SAMD12: variants seen among roughly 807,000 people sequenced by gnomAD.
SAMD12 encodes the protein sterile alpha motif domain-containing protein 12.
A neutral mutation model predicts 15.0 loss-of-function variants in SAMD12; 9 were observed. The observed-to-expected ratio is 0.60, with a 90% CI of 0.36 to 1.05. SAMD12 has a LOEUF of 1.05. Among genes scored for constraint, SAMD12 ranks in the 50% least tolerant of loss-of-function variants. The pLI is 0.01. For missense variants in SAMD12, 230 were observed against 234.2 expected, an observed-to-expected ratio of 0.98 and a Z score of 0.12; for synonymous variants, 86 against 90.1, an observed-to-expected ratio of 0.96 and a Z score of 0.25.
chr8:118,138,277 C>A, the SAMD12 span, among the ~76,000 whole-genome samples: 6 of 152,120 alleles, frequency 3.9e-5, no homozygotes, highest in African/African-American at 1.4e-4. Flanking sequence ...CAGAAAATAC[C>A]TGCAGGAAAT....
chr8:118,324,015 C>G (rs1450648587), intron 4 of SAMD12, among the ~76,000 whole-genome samples: 1 of 146,256 alleles, frequency 6.8e-6, no homozygotes, highest in Non-Finnish European at 1.5e-5. Context: ...AACATTTTGA[C>G]AAAAGGAAAA....
intron 4 of SAMD12, among the ~76,000 whole-genome samples, chr8:118,276,106 T>G (rs2130132334): frequency 6.6e-6 from 1 of 152,356 alleles, no homozygotes; most frequent in Admixed American, 6.5e-5. Flanking sequence ...AAAGTTTCTA[T>G]GTCCCCCTCA....
chr8:118,502,766 A>G (rs116610006), intron 2 of SAMD12, among the ~76,000 whole-genome samples: 1,618 of 152,356 alleles, frequency 0.011, 29 homozygotes, highest in African/African-American at 0.035. Flanking sequence ...GCAGCACTGA[A>G]TTATGGCCTA....
intron 3 of SAMD12, among the ~76,000 whole-genome samples, chr8:118,394,260 A>G (rs1226790119): frequency 6.6e-6 from 1 of 152,176 alleles, no homozygotes; most frequent in East Asian, 1.9e-4. Context: ...CCACATCTCT[A>G]CACATGCTCA....
At chr8:118,556,609 T>C (rs1456740914) in intron 2 of SAMD12, among the ~76,000 whole-genome samples, 1 of 152,214 alleles carries the variant, frequency 6.6e-6, no homozygotes, top group Non-Finnish European at 1.5e-5. Flanking sequence ...ATGGTGCTGA[T>C]AGCCAGAGAT....
intron 1 of SAMD12, among the ~76,000 whole-genome samples, chr8:118,602,769 C>T (rs564566316): frequency 8.5e-5 from 13 of 152,214 alleles, no homozygotes; most frequent in African/African-American, 2.9e-4. Context: ...ACCTAGAGAG[C>T]TTTCAATGTT....
At chr8:118,528,780 G>C (rs2131111195) in intron 2 of SAMD12, among the ~76,000 whole-genome samples, 1 of 152,306 alleles carries the variant, frequency 6.6e-6, no homozygotes, top group Admixed American at 6.5e-5. Flanking sequence ...CCAGAAGAAA[G>C]AAATAACAGA....
At chr8:118,537,177 G>T (rs898215398) in intron 2 of SAMD12, among the ~76,000 whole-genome samples, 145 of 152,054 alleles carry the variant, frequency 9.5e-4, no homozygotes, top group African/African-American at 3.2e-3. Context: ...TATATTATTT[G>T]TTTCTTTTCT....
At chr8:118,225,209 G>A (rs1340986415) in intron 4 of SAMD12, among the ~76,000 whole-genome samples, 1 of 152,140 alleles carries the variant, frequency 6.6e-6, no homozygotes, top group African/African-American at 2.4e-5. Flanking sequence ...CACATCTTGA[G>A]GTTGGTACTA....
intron 4 of SAMD12, among the ~76,000 whole-genome samples, chr8:118,304,797 T>TAAAC (rs1207817995): frequency 6.7e-6 from 1 of 149,302 alleles, no homozygotes; most frequent in East Asian, 2.0e-4. Context: ...AATAAATAAA[T>TAAAC]ACACAAATAA....
chr8:118,176,416 A>T, the SAMD12 span, among the ~76,000 whole-genome samples: 4 of 152,358 alleles, frequency 2.6e-5, no homozygotes, highest in African/African-American at 9.6e-5. Context: ...ATCAATCTAG[A>T]TGCTCATCAA....
At chr8:118,334,570 A>G (rs1816963765) in intron 4 of SAMD12, among the ~76,000 whole-genome samples, 1 of 152,096 alleles carries the variant, frequency 6.6e-6, no homozygotes, top group Non-Finnish European at 1.5e-5. Context: ...CACATCTCCC[A>G]TAATTTGAGC....
At chr8:118,212,405 C>G (rs1174549952) in intron 4 of SAMD12, among the ~76,000 whole-genome samples, 5 of 152,096 alleles carry the variant, frequency 3.3e-5, no homozygotes, top group African/African-American at 1.2e-4. Flanking sequence ...AATTATTAGC[C>G]TTTTGTGGCT....
intron 4 of SAMD12, among the ~76,000 whole-genome samples, chr8:118,249,488 T>C (rs1020377868): frequency 2.0e-5 from 3 of 152,202 alleles, no homozygotes; most frequent in African/African-American, 7.2e-5. Context: ...TTTTGATTCA[T>C]GGTTGGTTGA....
chr8:118,395,283 C>T (rs943209086), intron 3 of SAMD12, among the ~76,000 whole-genome samples: 3 of 152,160 alleles, frequency 2.0e-5, no homozygotes, highest in Non-Finnish European at 4.4e-5. Context: ...CTATGTACCA[C>T]ACTCCCTCAT....
intron 2 of SAMD12, among the ~76,000 whole-genome samples, chr8:118,535,273 A>C (rs1825806578): frequency 6.6e-6 from 1 of 152,216 alleles, no homozygotes; most frequent in South Asian, 2.1e-4. Context: ...AATACTGCAG[A>C]ATGGCAAATG....
the SAMD12 span, among the ~76,000 whole-genome samples, chr8:118,144,588 TTAA>T: frequency 6.6e-6 from 1 of 151,570 alleles, no homozygotes; most frequent in Non-Finnish European, 1.5e-5. Context: ...AACATTTTTA[TTAA>T]TAAAATTAAT....
chr8:118,232,254 T>C (rs918030771), intron 4 of SAMD12, among the ~76,000 whole-genome samples: 1 of 152,052 alleles, frequency 6.6e-6, no homozygotes. Context: ...AAGCTCCCCA[T>C]AGAAACACAT....
intron 2 of SAMD12, among the ~76,000 whole-genome samples, chr8:118,543,274 C>G (rs1016312346): frequency 6.6e-6 from 1 of 152,138 alleles, no homozygotes; most frequent in Non-Finnish European, 1.5e-5. Flanking sequence ...CCCACACTCA[C>G]GATGCCAATT....
Sources: allele counts gnomAD v4.1 joint callset (sites outside exome capture counted in the v4.1 genomes callset), GRCh38; gene constraint gnomAD v4.1.1; transcripts MANE v1.5; gene names NCBI Gene and HGNC (gene_info 2026-07-23, HGNC 2026-07-21).